SZT2: variants seen among roughly 807,000 people sequenced by gnomAD.
The protein encoded by SZT2 is SZT2 subunit of KICSTOR complex.
SZT2 carries 216 observed loss-of-function variants against 404.2 expected under a neutral mutation model. That is an observed-to-expected ratio of 0.53 (90% CI 0.48 to 0.60). SZT2 has a LOEUF of 0.60. SZT2 is among the 20% of genes least tolerant of loss of function. The pLI, the probability that SZT2 is intolerant of heterozygous loss-of-function variation, is 0.00. For missense variants in SZT2, 3,857 were observed against 4,459.2 expected (o/e 0.86, Z 3.85); for synonymous variants, 1,693 against 1,749.9 (o/e 0.97, Z 0.81).
rs1408076817 is a variant in SZT2 at position 43,437,916 on chromosome 1, AG to A, written c.6508+19del. On this transcript the variant is annotated intron_variant, in intron 46 of 71. Transcript: ENST00000634258. This position sits in a 1 kb window ranked among gnomAD's most constrained non-coding sequence, Gnocchi z 5.3. The stretch of plus-strand genomic sequence containing the variant: ...TTGGGCAGGCAGGTAAGGTCTGAGG[AG>A]GGGGTAGGGGAGTCGCCACATGAGG... 17 of 1,613,270 alleles carry A rather than the reference AG, an allele frequency of 1.1e-5. No homozygotes were observed. The African/African-American group carries it at 1.3e-4, about 13-fold the overall frequency.
intron 5 of SZT2, 146 bp downstream of exon 5, chr1:43,415,359 A>T: frequency 2.1e-6 from 2 of 946,136 alleles, no homozygotes; most frequent in East Asian, 2.7e-5. Context: ...CTCATGACAC[A>T]CTCCCTGTTG....
Position 43,452,083 on chromosome 1 carries a change from C to A in SZT2, c.*1603C>A. The A allele has an allele frequency of 6.5e-7, 1 of 1,536,296 alleles. No homozygotes were observed. Among genetic ancestry groups the A allele is most frequent in the South Asian group, 1.2e-5 (1 of 84,742 alleles). On this transcript the variant is annotated 3_prime_UTR_variant, in exon 72 of 72. Transcript: ENST00000634258. Reference sequence around the variant, plus strand: ...TGTCCCCCATCAGTCAGTCACTGGTCAAGGCCCTCACCTGTTCCTCTGACC... The same window carrying A: ...TGTCCCCCATCAGTCAGTCACTGGTAAAGGCCCTCACCTGTTCCTCTGACC...
chr1:43,442,424 C>G lies in SZT2; in HGVS notation c.7975-18C>G. ...GAGGGGTTCCGTGATCTCACTGACCCTGACCCCCGACCTCCAGCTACAGCT... is the reference window on the plus strand; with the variant it reads ...GAGGGGTTCCGTGATCTCACTGACCGTGACCCCCGACCTCCAGCTACAGCT... On this transcript the variant is annotated intron_variant, in intron 57 of 71. Coordinates refer to ENST00000634258, the MANE Select transcript of SZT2 (RefSeq NM_001365999.1). The surrounding 1 kb of genome is among the most constrained non-coding windows in gnomAD (Gnocchi z 4.5). The G allele has an allele frequency of 6.2e-7, 1 of 1,612,184 alleles. No homozygotes were observed. Among genetic ancestry groups the G allele is most frequent in the Non-Finnish European group, 8.5e-7 (1 of 1,178,762 alleles).
At chr1:43,418,517 G>C (rs1258993384) in intron 7 of SZT2, among the ~76,000 whole-genome samples, 1 of 152,190 alleles carries the variant, frequency 6.6e-6, no homozygotes, top group East Asian at 1.9e-4. Context: ...GTAAGGAAGA[G>C]GCCAGAGTTG....
Position 43,399,412 on chromosome 1 carries a change from G to C in SZT2, c.28-3765G>C, listed in dbSNP as rs536123414. Among the ~76,000 whole-genome samples the C allele has an allele frequency of 7.9e-5, 12 of 151,202 alleles. No homozygotes were observed. In the South Asian group the frequency reaches 8.4e-4, roughly 11 times the overall value. ...GTCTAAGCCACTGTCATCTCCCCTA[G>C]TTGTTAGTCTGCGGTGGGAGGGTGC... On this transcript the variant is annotated intron_variant, in intron 1 of 71. Coordinates refer to ENST00000634258, the MANE Select transcript of SZT2 (RefSeq NM_001365999.1).
Position 43,453,730 on chromosome 1 carries a change from CG to C in SZT2, c.*3254del. 7.2e-7 allele frequency: 1 copy of C among 1,386,800 alleles called. No individual in the cohort carries two copies. Among genetic ancestry groups the C allele is most frequent in the Non-Finnish European group, 9.2e-7 (1 of 1,082,210 alleles). 85.9% of individuals were successfully genotyped at this position (1,386,800 alleles called of 1,614,324 possible). On this transcript the variant is annotated 3_prime_UTR_variant, in exon 72 of 72. Coordinates refer to ENST00000634258, the MANE Select transcript of SZT2 (RefSeq NM_001365999.1). ...GAGCTGCCCGCGGCCCGCACCCGCG[CG>C]GGGAGGCCGGAGAGCTCGGGGAATA...
chr1:43,417,668 A>G (rs1290630060), intron 7 of SZT2, among the ~76,000 whole-genome samples: 1 of 152,230 alleles, frequency 6.6e-6, no homozygotes, highest in Admixed American at 6.5e-5. Context: ...AGATGCATTT[A>G]AAGTATGTAG....
At chr1:43,410,320 A>T (rs1650855556) in intron 4 of SZT2, 1 of 152,160 alleles carries the variant, frequency 6.6e-6, no homozygotes, top group Non-Finnish European at 1.5e-5. Flanking sequence ...TGGGAGGCCA[A>T]GGCAGGTGGA....
intron 1 of SZT2, among the ~76,000 whole-genome samples, chr1:43,399,375 T>TG (rs1649387917): frequency 6.6e-6 from 1 of 152,116 alleles, no homozygotes; most frequent in Non-Finnish European, 1.5e-5. Flanking sequence ...ATGGCTACTT[T>TG]GAGTAGCTCT....
intron 13 of SZT2, 59 bp downstream of exon 13, chr1:43,422,691 A>G (rs1474667016): frequency 3.4e-5 from 28 of 811,762 alleles, no homozygotes; most frequent in South Asian, 7.7e-5. Context: ...ACCTCATCCC[A>G]TGTCTCCCTC....
intron 1 of SZT2, among the ~76,000 whole-genome samples, chr1:43,395,580 C>T (rs1648898984): frequency 6.6e-6 from 1 of 152,196 alleles, no homozygotes; most frequent in African/African-American, 2.4e-5. Flanking sequence ...GAATTGCAGG[C>T]ATGGGCCACT....
intron 1 of SZT2, among the ~76,000 whole-genome samples, chr1:43,399,387 G>T (rs140591390): frequency 0.013 from 2,043 of 151,794 alleles, 50 homozygotes; most frequent in African/African-American, 0.047. Flanking sequence ...AGTAGCTCTA[G>T]TCTAAGCCAC....
rs766392160 is a variant in SZT2, at chr1:43,442,244, T to A, written c.7874-24T>A. The A allele has an allele frequency of 8.7e-6, 14 of 1,607,960 alleles. No individual in the cohort carries two copies. The South Asian group carries it at 1.6e-4, about 18-fold the overall frequency. ...AGGGGGATCTGTTCCCAGGCCCCTA[T>A]TGTGCCCCTCCCCCACCCTGTAGCT... is the stretch of plus-strand genomic sequence containing the variant. On this transcript the variant is annotated intron_variant, in intron 56 of 71. Transcript: ENST00000634258. This position sits in a 1 kb window ranked among gnomAD's most constrained non-coding sequence, Gnocchi z 4.5.
chr1:43,423,269 G>A lies in SZT2; in HGVS notation c.2208G>A (p.Arg736=), dbSNP rs904037938. 1 of 1,569,778 alleles carries A rather than the reference G, an allele frequency of 6.4e-7. No homozygotes were observed. ...VLGPQQALSD[R]PCLVVLHKPL... ...GGCCACAGCAGGCCCTGTCTGACCG[G>A]CCCTGCCTTGTGGTCCTGCATAAGC... is the stretch of plus-strand genomic sequence containing the variant. Residue 736 remains arginine (R), a synonymous_variant, in exon 15 of 72, where the codon CGG becomes CGA. Coordinates refer to ENST00000634258, the MANE Select transcript of SZT2 (RefSeq NM_001365999.1).
At chr1:43,440,664 C>T in intron 52 of SZT2, 78 bp downstream of exon 52, 2 of 1,467,396 alleles carry the variant, frequency 1.4e-6, no homozygotes, top group Non-Finnish European at 9.0e-7. Flanking sequence ...TCCTGCTTCC[C>T]AGTCCCCCAT....
At chr1:43,406,837 C>T (rs2153930208) in intron 4 of SZT2, 1 of 152,322 alleles carries the variant, frequency 6.6e-6, no homozygotes, top group Admixed American at 6.5e-5. Context: ...ATTAACATTG[C>T]TTATATCATA....
intron 62 of SZT2, chr1:43,445,655 C>T (rs1269389212): frequency 3.4e-6 from 2 of 586,938 alleles, no homozygotes; most frequent in Admixed American, 2.8e-5. Flanking sequence ...GGCTTAGTCT[C>T]CACCTCCCCA....
In SZT2 at chr1:43,419,852, C is replaced by T; in HGVS notation, c.998C>T (p.Pro333Leu). Residue 333 changes from proline to leucine, a missense_variant, in exon 8 of 72, where the codon CCA (proline) becomes CTA (leucine). By Grantham distance (98) the Pro-to-Leu change is moderately conservative (BLOSUM62 -3). Transcript: ENST00000634258. ...SYLSTCPEPE[P>L]GNLGLTVYHR... ...CTGTCCACTTGTCCTGAGCCGGAGC[C>T]AGGCAACCTGGGTCTGACTGTCTAC... The T allele has an allele frequency of 1.9e-6, 3 of 1,598,502 alleles. No homozygotes were observed. The South Asian group carries it at 3.3e-5, about 18-fold the overall frequency.
chr1:43,403,089 C>G, intron 1 of SZT2, 88 bp from the exon 2 acceptor site: 1 of 1,472,882 alleles, frequency 6.8e-7, no homozygotes, highest in Non-Finnish European at 9.3e-7. Flanking sequence ...TGGTGAGTTC[C>G]TTGGGCAAAT....
Sources: gnomAD v4.1 joint callset for allele counts (sites outside exome capture counted in the v4.1 genomes callset) on GRCh38, gnomAD v4.1.1 for gene constraint, Gnocchi (gnomAD v3.1) non-coding constraint, MANE v1.5 for transcripts, NCBI Gene and HGNC (gene_info 2026-07-23, HGNC 2026-07-21) for gene names.